The following XIRP2 variants were observed in gnomAD, a reference collection of about 807,000 sequenced individuals.
XIRP2 encodes the protein xin actin binding repeat containing 2, also known as xin actin-binding repeat-containing protein 2.
A neutral mutation model predicts 277.0 loss-of-function variants in XIRP2; 236 were observed. The ratio of observed to expected loss-of-function variants is 0.85; its 90% CI spans 0.77 to 0.95. The LOEUF is 0.95. Ranked by LOEUF, XIRP2 falls within the 40% of genes least tolerant of loss-of-function variation. The pLI is 0.00. For synonymous variants in XIRP2, 1,490 were observed against 1,416.5 expected (o/e 1.05, Z -1.17); for missense variants, 4,640 against 4,157.5 (o/e 1.12, Z -3.19).
chr2:166,969,876 C>A (rs1371181020), intron 2 of XIRP2, among the ~76,000 whole-genome samples: 1 of 151,876 alleles, frequency 6.6e-6, no homozygotes, highest in African/African-American at 2.4e-5. Context: ...ATCCTTAAAA[C>A]CTCTTCTAAG....
intron 2 of XIRP2, among the ~76,000 whole-genome samples, chr2:167,014,904 G>A (rs1306321747): frequency 2.0e-5 from 3 of 151,712 alleles, no homozygotes; most frequent in East Asian, 3.9e-4. Flanking sequence ...TCTAAACCTC[G>A]TGCTTTTTAA....
chr2:167,041,300 C>G (rs934566883), intron 2 of XIRP2, among the ~76,000 whole-genome samples: 2 of 152,120 alleles, frequency 1.3e-5, no homozygotes, highest in Non-Finnish European at 2.9e-5. Flanking sequence ...ACACTAGCTC[C>G]CCAGCAATGG....
In XIRP2 at chr2:167,249,254, T is replaced by C; in HGVS notation, c.7862T>C (p.Leu2621Pro). 1.9e-6 allele frequency: 3 copies of C among 1,613,772 alleles called. No homozygotes were observed. The highest frequency in any genetic ancestry group is 2.5e-6 in the Non-Finnish European group (3 of 1,179,802). ...SPGSQSNARILGVCSDNQLST... is the reference protein window; with the variant it reads ...SPGSQSNARIPGVCSDNQLST... ...GGCTCTCAAAGTAATGCTCGGATAC[T>C]AGGAGTGTGTTCTGATAACCAACTC... Residue 2621 changes from leucine (L) to proline (P), a missense_variant, in exon 9 of 11, where the codon CTA becomes CCA. Leu to Pro is a moderately conservative substitution (Grantham distance 98). Coordinates refer to ENST00000409195, the MANE Select transcript of XIRP2 (RefSeq NM_152381.6).
chr2:167,041,251 A>T (rs1334888061), intron 2 of XIRP2, among the ~76,000 whole-genome samples: 1 of 152,180 alleles, frequency 6.6e-6, no homozygotes, highest in Non-Finnish European at 1.5e-5. Context: ...AACCCTGGAA[A>T]TTGTAAAACC....
chr2:167,203,164 A>C (rs1339737357), intron 3 of XIRP2, among the ~76,000 whole-genome samples: 1 of 152,176 alleles, frequency 6.6e-6, no homozygotes, highest in East Asian at 1.9e-4. Context: ...GTAAGGTCGC[A>C]TATTCATAGG....
At chr2:166,893,081 CAG>C (rs1223753693) in intron 1 of XIRP2, among the ~76,000 whole-genome samples, 1 of 151,328 alleles carries the variant, frequency 6.6e-6, no homozygotes, top group Non-Finnish European at 1.5e-5. Flanking sequence ...TAATTTAAAA[CAG>C]AGATGACTGC....
At chr2:166,916,287 G>A (rs1684877137) in intron 2 of XIRP2, among the ~76,000 whole-genome samples, 1 of 152,126 alleles carries the variant, frequency 6.6e-6, no homozygotes, top group African/African-American at 2.4e-5. Context: ...TGTGGGACTA[G>A]GGGATTAATT....
intron 2 of XIRP2, among the ~76,000 whole-genome samples, chr2:166,978,396 C>T (rs962766445): frequency 6.6e-6 from 1 of 151,990 alleles, no homozygotes; most frequent in African/African-American, 2.4e-5. Context: ...TTAGAAGTAG[C>T]TTATAATTTT....
At chr2:166,910,945 A>T (rs551182737) in intron 2 of XIRP2, among the ~76,000 whole-genome samples, 2 of 152,216 alleles carry the variant, frequency 1.3e-5, no homozygotes, top group South Asian at 4.1e-4. Context: ...CTTAATCCTG[A>T]GCTCTAGTTT....
chr2:167,146,327 C>A (rs1447546461), intron 3 of XIRP2, among the ~76,000 whole-genome samples: 2 of 151,584 alleles, frequency 1.3e-5, no homozygotes, highest in African/African-American at 2.4e-5. Flanking sequence ...TGGTGAAACC[C>A]CATCTCTACT....
At chr2:167,225,481 G>A (rs1007644054) in intron 5 of XIRP2, among the ~76,000 whole-genome samples, 2 of 152,132 alleles carry the variant, frequency 1.3e-5, no homozygotes, top group Admixed American at 1.3e-4. Flanking sequence ...TTTCTATAAC[G>A]GTCTTAATAG....
intron 2 of XIRP2, among the ~76,000 whole-genome samples, chr2:167,034,237 G>T (rs1688446719): frequency 1.3e-5 from 2 of 152,008 alleles, no homozygotes; most frequent in Non-Finnish European, 2.9e-5. Context: ...TTAAAAATGG[G>T]TTATAAGATG....
intron 2 of XIRP2, among the ~76,000 whole-genome samples, chr2:166,933,915 G>A (rs987097921): frequency 6.6e-6 from 1 of 151,858 alleles, no homozygotes; most frequent in Admixed American, 6.6e-5. Context: ...TTCCAGTGTT[G>A]TTTTGAAGAT....
Position 167,252,860 on chromosome 2 carries a change from A to G in XIRP2, c.10555+913A>G, listed in dbSNP as rs577103130. On this transcript the variant is annotated intron_variant, in intron 9 of 10. Coordinates refer to ENST00000409195, the MANE Select transcript of XIRP2 (RefSeq NM_152381.6). ...ATTATGCCTCCATCATATTTGCAAC[A>G]TATGTGTCTAGTTTATCAGGTTAAT... is the stretch of plus-strand genomic sequence containing the variant. 2.6e-5 allele frequency among the ~76,000 whole-genome samples: 4 copies of G among 152,098 alleles called. No individual in the cohort carries two copies. The East Asian group carries it at 5.8e-4, about 22-fold the overall frequency.
rs1042931233 is a variant in XIRP2 at position 167,155,064 on chromosome 2, A to C, written c.562+19002A>C. ...AAACCAGGAAGAAGTTGAATCTCTGAATAGACCAATAACAGGATCTGAAAT... is the reference window on the plus strand; with the variant it reads ...AAACCAGGAAGAAGTTGAATCTCTGCATAGACCAATAACAGGATCTGAAAT... On this transcript the variant is annotated intron_variant, in intron 3 of 10. Transcript: ENST00000409195. Among the ~76,000 whole-genome samples the C allele has an allele frequency of 2.0e-5, 3 of 151,740 alleles. No homozygotes were observed. The East Asian group carries it at 5.8e-4, about 29-fold the overall frequency.
intron 2 of XIRP2, among the ~76,000 whole-genome samples, chr2:167,049,522 A>G (rs1334756441): frequency 6.9e-6 from 1 of 145,662 alleles, no homozygotes; most frequent in East Asian, 1.9e-4. Context: ...AAAAAAAAAC[A>G]TAATTAAGAA....
intron 2 of XIRP2, among the ~76,000 whole-genome samples, chr2:166,936,232 A>G (rs1016925747): frequency 4.2e-4 from 64 of 152,146 alleles, no homozygotes; most frequent in Admixed American, 4.6e-4. Context: ...GTCTGTTCAT[A>G]TCCTTCGCCC....
rs1695472289 is a variant in XIRP2, at chr2:167,250,971, CA to C, written c.9582del (p.Ala3196ProfsTer13). 6.2e-7 allele frequency: 1 copy of C among 1,613,488 alleles called. No individual in the cohort carries two copies. Among genetic ancestry groups the C allele is most frequent in the Non-Finnish European group, 8.5e-7 (1 of 1,179,738 alleles). Reference protein sequence around the residue: ...RLKDTTAKLSKGAIPCPAATP... With the variant: ...RLKDTTAKLSXGAIPCPAATP... ...TCAAAGACACCACTGCAAAGTTATC[CA>C]AAGGGGCCATCCCATGTCCAGCAGC... On this transcript the variant is annotated frameshift_variant, in exon 9 of 11. Transcript: ENST00000409195. LOFTEE classifies it high-confidence loss of function.
At chr2:167,240,840 T>C (rs1695045091) in intron 7 of XIRP2, 104 bp downstream of exon 7, 3 of 965,878 alleles carry the variant, frequency 3.1e-6, no homozygotes, top group Non-Finnish European at 3.3e-6. Flanking sequence ...TGAGTAACTT[T>C]AGTAACTATG....
Sources: gnomAD v4.1 joint callset for allele counts (sites outside exome capture counted in the v4.1 genomes callset) on GRCh38, gnomAD v4.1.1 for gene constraint, MANE v1.5 for transcripts, NCBI Gene and HGNC (gene_info 2026-07-23, HGNC 2026-07-21) for gene names.